Variants in RANGAP1 observed in about 807,000 individuals in gnomAD.
RANGAP1 encodes the protein ran GTPase-activating protein 1.
A neutral mutation model predicts 63.5 loss-of-function variants in RANGAP1; 38 were observed. That is an observed-to-expected ratio of 0.60 (90% CI 0.46 to 0.78). RANGAP1 has a LOEUF of 0.78. Ranked by LOEUF, RANGAP1 falls within the 30% of genes least tolerant of loss-of-function variation. The pLI, the probability that RANGAP1 is intolerant of heterozygous loss-of-function variation, is 0.00. For synonymous variants in RANGAP1, 329 were observed against 310.5 expected (o/e 1.06, Z -0.63); for missense variants, 630 against 740.3 (o/e 0.85, Z 1.73).
intron 3 of RANGAP1, 86 bp downstream of exon 3, chr22:41,274,514 A>C: frequency 2.6e-6 from 4 of 1,562,390 alleles, no homozygotes; most frequent in Non-Finnish European, 3.5e-6. Context: ...GGGGCCTGGA[A>C]GAGACTGGAC....
upstream of RANGAP1, among the ~76,000 whole-genome samples, chr22:41,288,382 A>T (rs1223237789): frequency 6.6e-6 from 1 of 152,188 alleles, no homozygotes; most frequent in African/African-American, 2.4e-5. Context: ...CGCTGTATCC[A>T]TCTGGGCAGT....
At chr22:41,273,847 G>A (rs1003608199) in intron 3 of RANGAP1, among the ~76,000 whole-genome samples, 13 of 148,684 alleles carry the variant, frequency 8.7e-5, no homozygotes, top group African/African-American at 1.7e-4. Flanking sequence ...AGGCCGAGGC[G>A]GGCAGATCAC....
intron 2 of RANGAP1, among the ~76,000 whole-genome samples, chr22:41,279,280 T>A (rs2035345693): frequency 6.6e-6 from 1 of 152,046 alleles, no homozygotes; most frequent in Non-Finnish European, 1.5e-5. Context: ...GACCAGCCTG[T>A]CCAACATGGT....
At position 41,246,504 on chromosome 22, in the gene RANGAP1, A is replaced by C; in HGVS notation, c.*99T>G. Reference sequence around the variant, plus strand: ...ACACAGACCCGCCCTGCCTGTGGCCAGAGTCCTGTCCAAGGCAATGGCGTA... The same window carrying C: ...ACACAGACCCGCCCTGCCTGTGGCCCGAGTCCTGTCCAAGGCAATGGCGTA... On this transcript the variant is annotated 3_prime_UTR_variant, in exon 16 of 16. Coordinates refer to ENST00000356244, the MANE Select transcript of RANGAP1 (RefSeq NM_002883.4). 5 of 1,326,838 alleles carry C rather than the reference A, an allele frequency of 3.8e-6. No individual in the cohort carries two copies. The highest frequency in any genetic ancestry group is 5.2e-6 in the Non-Finnish European group (5 of 953,792). The allele number at this position is 1,326,838 out of a possible 1,614,324, so 82.2% of individuals were successfully genotyped here. A position where few individuals can be genotyped will look rare whatever the true frequency, so the allele number is the denominator to read the frequency against.
intron 4 of RANGAP1, 78 bp from the exon 5 acceptor site, chr22:41,264,921 G>T: frequency 6.9e-7 from 1 of 1,452,666 alleles, no homozygotes; most frequent in Non-Finnish European, 9.4e-7. Flanking sequence ...GCCAGGCCCA[G>T]CTCTGCCTTC....
At chr22:41,270,760 C>T (rs376044503) in intron 3 of RANGAP1, among the ~76,000 whole-genome samples, 2 of 152,300 alleles carry the variant, frequency 1.3e-5, no homozygotes, top group South Asian at 2.1e-4. Context: ...ATAAAGCAGA[C>T]CATGAACACA....
In RANGAP1 at chr22:41,263,845, G is replaced by T. The variant is rs543183716; in HGVS notation, c.480+819C>A. ...CAGGGGAGGCCACTCCAGCTCCTCA[G>T]CCTGGGGCTCCATGGGCCTCACAGC... On this transcript the variant is annotated intron_variant, in intron 5 of 15. Coordinates refer to ENST00000356244, the MANE Select transcript of RANGAP1 (RefSeq NM_002883.4). Among the ~76,000 whole-genome samples, 4 of 152,382 alleles carry T rather than the reference G, an allele frequency of 2.6e-5. No individual in the cohort carries two copies. The South Asian group carries it at 8.3e-4, about 32-fold the overall frequency.
chr22:41,267,600 G>C (rs776046653), intron 4 of RANGAP1, among the ~76,000 whole-genome samples: 1 of 152,200 alleles, frequency 6.6e-6, no homozygotes, highest in Non-Finnish European at 1.5e-5. Flanking sequence ...ACCCAAGCCA[G>C]TCTGAGCCCT....
rs765604934 is a variant in RANGAP1, at chr22:41,264,813, C to T, written c.331G>A (p.Gly111Arg). The change falls in exon 5 of 16, where the codon GGG (glycine) becomes AGG (arginine). Residue 111 changes from glycine (G) to arginine (R), a missense_variant. Transcript: ENST00000356244. ...AAGTCCAGCTCCACCAGCTGAGCCC[C>T]AGCTGTGATGAGTCCTTCCCCTAGT... ...ISLGEGLITA[G>R]AQLVELDLSD... 2 of 1,613,092 alleles carry T rather than the reference C, an allele frequency of 1.2e-6. No homozygotes were observed. Among genetic ancestry groups the T allele is most frequent in the Non-Finnish European group, 1.7e-6 (2 of 1,179,104 alleles).
intron 3 of RANGAP1, among the ~76,000 whole-genome samples, chr22:41,270,290 G>A (rs1034985483): frequency 1.3e-5 from 2 of 151,784 alleles, no homozygotes; most frequent in Non-Finnish European, 2.9e-5. Context: ...ACAGGCACCC[G>A]CCACCGCGCC....
chr22:41,297,993 G>A, the RANGAP1 span, among the ~76,000 whole-genome samples: 2 of 152,048 alleles, frequency 1.3e-5, no homozygotes, highest in East Asian at 3.9e-4. Context: ...AAGTAGCTGG[G>A]ATCACAGGCG....
At chr22:41,252,432 T>C (rs1380530674) in intron 12 of RANGAP1, among the ~76,000 whole-genome samples, 1 of 152,054 alleles carries the variant, frequency 6.6e-6, no homozygotes, top group African/African-American at 2.4e-5. Flanking sequence ...GCCCCGAAGA[T>C]CATCTATGAA....
Position 41,245,197 on chromosome 22 carries a change from C to T in RANGAP1, c.*1406G>A, listed in dbSNP as rs2032955546. The stretch of plus-strand genomic sequence containing the variant: ...CGACTGCCAATGAGAAAATATTGCC[C>T]TCTAAGAAACCTTGGAGGGACTTCT... On this transcript the variant is annotated 3_prime_UTR_variant, in exon 16 of 16. Coordinates refer to ENST00000356244, the MANE Select transcript of RANGAP1 (RefSeq NM_002883.4). 6.6e-6 allele frequency among the ~76,000 whole-genome samples: 1 copy of T among 152,212 alleles called. No individual in the cohort carries two copies.
intron 11 of RANGAP1, 23 bp from the exon 12 acceptor site, chr22:41,253,014 C>A (rs776344766): frequency 2.1e-6 from 3 of 1,432,410 alleles, no homozygotes; most frequent in African/African-American, 3.0e-5. Context: ...GGCACAGAGG[C>A]TCTGGAGAAT....
At chr22:41,286,443 C>T (rs558045027), upstream of RANGAP1, among the ~76,000 whole-genome samples, 1 of 152,368 alleles carries the variant, frequency 6.6e-6, no homozygotes, top group East Asian at 1.9e-4. Context: ...TCGCAGAGAC[C>T]GCAGGGAGGT....
At chr22:41,298,733 T>A in the RANGAP1 span, among the ~76,000 whole-genome samples, 1 of 152,030 alleles carries the variant, frequency 6.6e-6, no homozygotes, top group Non-Finnish European at 1.5e-5. Context: ...ACTCCTGGGC[T>A]CAAGCGATCT....
At chr22:41,295,341 T>G in the RANGAP1 span, among the ~76,000 whole-genome samples, 6 of 151,730 alleles carry the variant, frequency 4.0e-5, no homozygotes, top group African/African-American at 1.5e-4. Context: ...ACTTTTCATT[T>G]TGTTCTGTAC....
At chr22:41,275,062 G>A (rs369002360) in intron 2 of RANGAP1, among the ~76,000 whole-genome samples, 5 of 152,124 alleles carry the variant, frequency 3.3e-5, no homozygotes, top group Non-Finnish European at 7.4e-5. Context: ...GCAGAGAAAC[G>A]GCACCCAAGC....
chr22:41,271,186 T>C (rs1231781640), intron 3 of RANGAP1, among the ~76,000 whole-genome samples: 1 of 144,812 alleles, frequency 6.9e-6, no homozygotes, highest in Non-Finnish European at 1.5e-5. Flanking sequence ...GCCTAGGAGA[T>C]CAAGATCAGA....
Sources: gnomAD v4.1 joint callset for allele counts (sites outside exome capture counted in the v4.1 genomes callset) on GRCh38, gnomAD v4.1.1 for gene constraint, MANE v1.5 for transcripts, NCBI Gene and HGNC (gene_info 2026-07-23, HGNC 2026-07-21) for gene names.